The following CACFD1 variants were observed in gnomAD, a reference collection of about 807,000 sequenced individuals.
The protein encoded by CACFD1 is calcium channel flower domain containing 1.
CACFD1 carries 26 observed loss-of-function variants against 21.3 expected under a neutral mutation model. The observed-to-expected ratio is 1.22, with a 90% confidence interval of 0.89 to 1.69. The LOEUF is 1.69. Ranked by LOEUF, CACFD1 falls within the 40% of genes most tolerant of loss-of-function variation. The probability of loss-of-function intolerance (pLI) is 0.00; values close to 1 mark genes in which losing one functional copy is unlikely to be tolerated. For missense variants in CACFD1, 265 were observed against 236.2 expected (o/e 1.12, Z -0.80); for synonymous variants, 121 against 106.6 (o/e 1.13, Z -0.83).
At chr9:133,466,007 A>G (rs1843422129) in intron 3 of CACFD1, among the ~76,000 whole-genome samples, 1 of 152,236 alleles carries the variant, frequency 6.6e-6, no homozygotes, top group South Asian at 2.1e-4. Flanking sequence ...GGAAACTCCT[A>G]GAATAATGCC....
At position 133,468,017 on chromosome 9, in the gene CACFD1, T is replaced by C; in HGVS notation, c.417T>C (p.Ala139=). The C allele has an allele frequency of 1.2e-6, 2 of 1,613,588 alleles. No individual in the cohort carries two copies. Among genetic ancestry groups the C allele is most frequent in the East Asian group, 2.2e-5 (1 of 44,868 alleles). Residue 139 remains alanine (A), a synonymous_variant, in exon 4 of 5, where the codon GCT becomes GCC. Transcript: ENST00000316948. ...FATGVLYGLS[A]LGKKGDAISY... Reference sequence around the variant, plus strand: ...CGGGGGTGCTGTACGGACTCTCTGCTCTGGGCAAAAAGTGCGTCTGCCAGG... The same window carrying C: ...CGGGGGTGCTGTACGGACTCTCTGCCCTGGGCAAAAAGTGCGTCTGCCAGG...
At chr9:133,468,247 A>T in intron 4 of CACFD1, 1 of 1,423,774 alleles carries the variant, frequency 7.0e-7, no homozygotes. Flanking sequence ...CACGGCCTGC[A>T]GCAAGGATAG....
At chr9:133,462,506 C>G (rs921363335) in intron 1 of CACFD1, among the ~76,000 whole-genome samples, 1 of 152,236 alleles carries the variant, frequency 6.6e-6, no homozygotes, top group African/African-American at 2.4e-5. Flanking sequence ...GAATTCCAGA[C>G]CCAGGTGGAG....
At chr9:133,460,719 G>C (rs1843164414) in intron 1 of CACFD1, among the ~76,000 whole-genome samples, 1 of 152,230 alleles carries the variant, frequency 6.6e-6, no homozygotes. Context: ...CCACTGGGCG[G>C]AAGTTTGCTG....
intron 1 of CACFD1, chr9:133,462,125 C>T (rs1320351856): frequency 1.7e-5 from 22 of 1,303,694 alleles, no homozygotes; most frequent in Non-Finnish European, 1.8e-5. Context: ...ACACCTGGTC[C>T]TCCCCCAAGG....
rs782147034 is a variant in CACFD1, at chr9:133,463,550, G to A, written c.189G>A (p.Trp63Ter). ...IHPLNIAAGV[W>*]MIMNAFILLL... ...CTCTGAACATTGCGGCCGGCGTGTG[G>A]ATGATGTGAGTAATGCATGGCCGTC... Residue 63 changes from tryptophan to a stop codon, truncating the protein, a stop_gained, in exon 2 of 5, where the codon TGG becomes TGA. Coordinates refer to ENST00000316948, the MANE Select transcript of CACFD1 (RefSeq NM_017586.5). LOFTEE classifies it high-confidence loss of function. The A allele has an allele frequency of 6.2e-7, 1 of 1,614,050 alleles. No homozygotes were observed. The highest frequency in any genetic ancestry group is 8.5e-7 in the Non-Finnish European group (1 of 1,179,986).
At chr9:133,460,315 T>G in intron 1 of CACFD1, 128 bp downstream of exon 1, 1 of 866,186 alleles carries the variant, frequency 1.2e-6, no homozygotes, top group Non-Finnish European at 1.6e-6. Context: ...GCCGGGCGCC[T>G]CCCGGGGCGG....
chr9:133,467,814 C>G lies in CACFD1; in HGVS notation c.321-107C>G, dbSNP rs1054899859. The G allele has an allele frequency of 1.8e-5, 14 of 772,120 alleles. No individual in the cohort carries two copies. In the Admixed American group the frequency reaches 2.4e-4, roughly 13 times the overall value. The allele number at this position is 772,120 out of a possible 1,614,324, so 47.8% of individuals were successfully genotyped here. ...CTCAGTTGATTTTTGGGGATCCTTCCTGTGCCCTGGGTGTCTAGGAAGGAT... is the reference window on the plus strand; with the variant it reads ...CTCAGTTGATTTTTGGGGATCCTTCGTGTGCCCTGGGTGTCTAGGAAGGAT... On this transcript the variant is annotated intron_variant, in intron 3 of 4. Coordinates refer to ENST00000316948, the MANE Select transcript of CACFD1 (RefSeq NM_017586.5).
At chr9:133,463,631 A>C in intron 2 of CACFD1, 76 bp downstream of exon 2, 1 of 1,488,534 alleles carries the variant, frequency 6.7e-7, no homozygotes, top group Non-Finnish European at 9.4e-7. Context: ...GGGACAGAGG[A>C]GTGGCAGGGG....
chr9:133,463,555 TGTGA>T lies in CACFD1; in HGVS notation c.194+3_194+6del, dbSNP rs1554798942. ...AACATTGCGGCCGGCGTGTGGATGA[TGTGA>T]GTAATGCATGGCCGTCCCACCCCGG... is the stretch of plus-strand genomic sequence containing the variant. On this transcript the variant is annotated splice_donor_variant and splice_donor_region_variant and intron_variant, in intron 2 of 4. Transcript: ENST00000316948. LOFTEE classifies it high-confidence loss of function. 1 of 1,613,904 alleles carries T rather than the reference TGTGA, an allele frequency of 6.2e-7. No individual in the cohort carries two copies. The highest frequency in any genetic ancestry group is 1.1e-5 in the South Asian group (1 of 91,084).
At chr9:133,467,700 A>T (rs1384695858) in intron 3 of CACFD1, among the ~76,000 whole-genome samples, 1 of 152,200 alleles carries the variant, frequency 6.6e-6, no homozygotes, top group African/African-American at 2.4e-5. Context: ...CCCCTTCAAA[A>T]ATCTGATGAA....
At chr9:133,462,131 C>G (rs1005272328) in intron 1 of CACFD1, 15 of 1,303,920 alleles carry the variant, frequency 1.2e-5, no homozygotes, top group Non-Finnish European at 1.4e-5. Context: ...GGTCCTCCCC[C>G]AAGGCTGGCT....
chr9:133,460,094 G>A lies in CACFD1; in HGVS notation c.28G>A (p.Ala10Thr). 6.4e-7 allele frequency: 1 copy of A among 1,562,608 alleles called. No homozygotes were observed. The highest frequency in any genetic ancestry group is 8.7e-7 in the Non-Finnish European group (1 of 1,153,456). The part of the protein sequence containing the change: MSSSGGAPG[A>T]SASSAPPAQE... ...GAGCAGCTCAGGTGGGGCGCCCGGG[G>A]CGTCCGCCAGCTCTGCGCCGCCCGC... The change falls in exon 1 of 5, where the codon GCG (alanine) becomes ACG (threonine). Residue 10 changes from alanine (A) to threonine (T), a missense_variant. Transcript: ENST00000316948.
intron 1 of CACFD1, chr9:133,463,258 C>T (rs1267440963): frequency 1.3e-5 from 4 of 319,242 alleles, no homozygotes; most frequent in Admixed American, 6.5e-5. Context: ...CCACCTGCCA[C>T]CTTGCTGCCA....
chr9:133,462,110 G>T (rs1275506784), intron 1 of CACFD1: 26 of 1,303,300 alleles, frequency 2.0e-5, no homozygotes, highest in Non-Finnish European at 2.6e-5. Context: ...TGCTGGTCTG[G>T]CTTGACACCT....
chr9:133,466,851 C>T (rs892257609), intron 3 of CACFD1, among the ~76,000 whole-genome samples: 2 of 150,986 alleles, frequency 1.3e-5, no homozygotes, highest in Admixed American at 1.3e-4. Flanking sequence ...TGAAAATTTT[C>T]GAGTTTACTT....
At chr9:133,463,183 G>A (rs1843285371) in intron 1 of CACFD1, among the ~76,000 whole-genome samples, 1 of 152,226 alleles carries the variant, frequency 6.6e-6, no homozygotes, top group Non-Finnish European at 1.5e-5. Context: ...GGTGGATATT[G>A]ATGTAGCTGG....
intron 1 of CACFD1, chr9:133,461,951 C>T (rs1843235259): frequency 1.0e-6 from 1 of 985,244 alleles, no homozygotes; most frequent in African/African-American, 1.7e-5. Flanking sequence ...AGAGGGTCTA[C>T]CCTGGGTCCT....
In CACFD1 at chr9:133,468,392, C is replaced by T. The variant is rs1289264117; in HGVS notation, c.429-171C>T. ...AGCCCAGCATCCCAGGGAGCCTGGG[C>T]CATTCTCAGAGGGGACAAGACAGGC... is the stretch of plus-strand genomic sequence containing the variant. On this transcript the variant is annotated intron_variant, in intron 4 of 4. Coordinates refer to ENST00000316948, the MANE Select transcript of CACFD1 (RefSeq NM_017586.5). 3 of 1,535,830 alleles carry T rather than the reference C, an allele frequency of 2.0e-6. No individual in the cohort carries two copies. In the African/African-American group the frequency reaches 4.1e-5, roughly 21 times the overall value.
Sources: gnomAD v4.1 joint callset for allele counts (sites outside exome capture counted in the v4.1 genomes callset) on GRCh38, gnomAD v4.1.1 for gene constraint, MANE v1.5 for transcripts, NCBI Gene and HGNC (gene_info 2026-07-23, HGNC 2026-07-21) for gene names.